Variants in STPG2 observed in about 807,000 individuals in gnomAD.
The protein encoded by STPG2 is sperm tail PG-rich repeat containing 2.
In STPG2, 56 loss-of-function variants were observed where a neutral mutation model predicts 54.2. The ratio of observed to expected loss-of-function variants is 1.03; its 90% CI spans 0.83 to 1.29. STPG2 has a LOEUF of 1.29. Ranked by LOEUF, STPG2 falls within the 50% of genes most tolerant of loss-of-function variation. The probability of loss-of-function intolerance (pLI) is 0.00; values close to 1 mark genes in which losing one functional copy is unlikely to be tolerated. For missense variants in STPG2, 596 were observed against 544.9 expected (o/e 1.09, Z -0.93); for synonymous variants, 200 against 181.8 (o/e 1.10, Z -0.81).
chr4:97,984,961 A>G (rs1464965489), intron 5 of STPG2, among the ~76,000 whole-genome samples: 1 of 152,176 alleles, frequency 6.6e-6, no homozygotes, highest in Non-Finnish European at 1.5e-5. Flanking sequence ...GATAACTAAC[A>G]TCATTGTTTT....
chr4:97,916,706 C>T (rs1731891943), intron 8 of STPG2: 1 of 153,092 alleles, frequency 6.5e-6, no homozygotes, highest in Non-Finnish European at 1.5e-5. Context: ...ACATTCATCC[C>T]ACCCTTGCCC....
intron 4 of STPG2, among the ~76,000 whole-genome samples, chr4:97,462,975 A>G (rs937569374): frequency 6.6e-6 from 1 of 152,134 alleles, no homozygotes; most frequent in African/African-American, 2.4e-5. Context: ...ATCTGATTAT[A>G]TATTTCTTTC....
chr4:97,923,033 CA>C (rs1160578637), intron 8 of STPG2, among the ~76,000 whole-genome samples: 1 of 152,226 alleles, frequency 6.6e-6, no homozygotes. Context: ...TAGTTTTCCA[CA>C]CTGGTTTCCC....
intron 10 of STPG2, among the ~76,000 whole-genome samples, chr4:97,602,922 T>C (rs971549299): frequency 6.6e-6 from 1 of 151,686 alleles, no homozygotes; most frequent in Non-Finnish European, 1.5e-5. Context: ...CATCTAGACA[T>C]AACCAATGTA....
chr4:97,849,058 G>A (rs1729063104), intron 8 of STPG2, among the ~76,000 whole-genome samples: 1 of 151,214 alleles, frequency 6.6e-6, no homozygotes, highest in Admixed American at 6.6e-5. Flanking sequence ...TAGCTTGATG[G>A]GGATGGCATT....
intron 10 of STPG2, among the ~76,000 whole-genome samples, chr4:97,599,833 A>AAG (rs1553941567): frequency 1.0e-4 from 15 of 147,168 alleles, no homozygotes; most frequent in African/African-American, 4.0e-4. Context: ...CAAAAAAAAA[A>AAG]AAAAGAAAAG....
At chr4:97,519,551 C>G (rs1731139770) in intron 4 of STPG2, among the ~76,000 whole-genome samples, 1 of 151,904 alleles carries the variant, frequency 6.6e-6, no homozygotes. Flanking sequence ...GATATTGAAG[C>G]ACCCTTGTTA....
intron 8 of STPG2, among the ~76,000 whole-genome samples, chr4:97,943,030 A>T (rs1733049775): frequency 6.6e-6 from 1 of 152,174 alleles, no homozygotes; most frequent in Non-Finnish European, 1.5e-5. Flanking sequence ...ACAGGTCTGC[A>T]GGCTGGAAAG....
intron 3 of STPG2, among the ~76,000 whole-genome samples, chr4:98,116,726 T>TAG (rs1317981704): frequency 3.3e-5 from 5 of 151,830 alleles, no homozygotes; most frequent in South Asian, 2.1e-4. Context: ...AGGTATGTCA[T>TAG]AGAGAGAGAG....
intron 5 of STPG2, among the ~76,000 whole-genome samples, chr4:98,015,864 A>G (rs989206765): frequency 6.6e-6 from 1 of 152,156 alleles, no homozygotes; most frequent in African/African-American, 2.4e-5. Flanking sequence ...ACACCATGGA[A>G]TACTATGCAG....
At chr4:97,806,144 A>T (rs1162469086) in intron 9 of STPG2, among the ~76,000 whole-genome samples, 1 of 152,266 alleles carries the variant, frequency 6.6e-6, no homozygotes, top group Non-Finnish European at 1.5e-5. Flanking sequence ...GGATTAGATA[A>T]AGAAAATGTG....
chr4:97,715,670 T>C (rs1401103004), intron 9 of STPG2, among the ~76,000 whole-genome samples: 1 of 152,150 alleles, frequency 6.6e-6, no homozygotes, highest in Non-Finnish European at 1.5e-5. Context: ...TTACTATGAA[T>C]ACTTTTTTCA....
chr4:97,609,730 C>T (rs1023227638), intron 10 of STPG2, among the ~76,000 whole-genome samples: 3 of 151,826 alleles, frequency 2.0e-5, no homozygotes, highest in Admixed American at 1.3e-4. Flanking sequence ...AAATTTTTCT[C>T]TTCAAGGGAT....
At chr4:97,633,071 A>G (rs544298259) in intron 10 of STPG2, among the ~76,000 whole-genome samples, 1 of 152,248 alleles carries the variant, frequency 6.6e-6, no homozygotes, top group Non-Finnish European at 1.5e-5. Flanking sequence ...ATGTTACAAT[A>G]TGCATGCATG....
At chr4:97,461,662 C>G (rs1254110510) in intron 4 of STPG2, among the ~76,000 whole-genome samples, 1 of 152,214 alleles carries the variant, frequency 6.6e-6, no homozygotes, top group South Asian at 2.1e-4. Context: ...GCAGCCCAAA[C>G]TGACTAACAA....
intron 4 of STPG2, among the ~76,000 whole-genome samples, chr4:97,538,569 G>T (rs1168159519): frequency 2.0e-5 from 3 of 152,180 alleles, no homozygotes; most frequent in African/African-American, 7.2e-5. Flanking sequence ...CGTCTCATTG[G>T]TGTACCTGAA....
At chr4:97,611,781 T>C (rs1035389951) in intron 10 of STPG2, among the ~76,000 whole-genome samples, 4 of 151,798 alleles carry the variant, frequency 2.6e-5, no homozygotes, top group Admixed American at 6.6e-5. Context: ...AGAAAATTAA[T>C]TACCTCACAG....
chr4:98,087,795 T>C (rs1195591158), intron 5 of STPG2, among the ~76,000 whole-genome samples: 4 of 152,018 alleles, frequency 2.6e-5, no homozygotes, highest in Non-Finnish European at 2.9e-5. Flanking sequence ...CTCCTGACCT[T>C]GTGATCCGCC....
chr4:97,560,030 A>C (rs1732183653), intron 10 of STPG2, among the ~76,000 whole-genome samples: 1 of 152,176 alleles, frequency 6.6e-6, no homozygotes, highest in Non-Finnish European at 1.5e-5. Flanking sequence ...TAGGGTGATC[A>C]TATTTAAACA....
Sources: gnomAD v4.1 joint callset for allele counts (sites outside exome capture counted in the v4.1 genomes callset) on GRCh38, gnomAD v4.1.1 for gene constraint, MANE v1.5 for transcripts, NCBI Gene and HGNC (gene_info 2026-07-23, HGNC 2026-07-21) for gene names.